The following LINGO2 variants were observed in gnomAD, a reference collection of about 807,000 sequenced individuals.
The protein encoded by LINGO2 is leucine-rich repeat and immunoglobulin-like domain-containing nogo receptor-interacting protein 2.
A neutral mutation model predicts 30.6 loss-of-function variants in LINGO2; 14 were observed. That is an observed-to-expected ratio of 0.46 (90% CI 0.30 to 0.72). The LOEUF (loss-of-function observed/expected upper bound fraction) is 0.72. LINGO2 is among the 30% of genes least tolerant of loss of function. The pLI is 0.07. For synonymous variants in LINGO2, 317 were observed against 288.5 expected, an observed-to-expected ratio of 1.10 and a Z score of -1.00; for missense variants, 729 against 751.7, an observed-to-expected ratio of 0.97 and a Z score of 0.35.
chr9:29,114,114 T>C, the LINGO2 span, among the ~76,000 whole-genome samples: 4 of 144,242 alleles, frequency 2.8e-5, no homozygotes, highest in Non-Finnish European at 6.1e-5. Flanking sequence ...TTTCTGACTT[T>C]TTTGGTTCCT....
chr9:28,338,274 T>C (rs1245778792), intron 3 of LINGO2, among the ~76,000 whole-genome samples: 2 of 152,224 alleles, frequency 1.3e-5, no homozygotes, highest in South Asian at 2.1e-4. Flanking sequence ...CCCCTTTGTT[T>C]TGGCCAATTT....
intron 1 of LINGO2, among the ~76,000 whole-genome samples, chr9:28,642,249 C>A (rs1014439425): frequency 3.3e-5 from 5 of 151,856 alleles, no homozygotes; most frequent in East Asian, 1.9e-4. Context: ...CCTTAAAAAA[C>A]CCCAAATTTC....
chr9:28,692,934 T>C, the LINGO2 span, among the ~76,000 whole-genome samples: 1 of 152,134 alleles, frequency 6.6e-6, no homozygotes, highest in Non-Finnish European at 1.5e-5. Flanking sequence ...AAAGACTACT[T>C]GCTTCAGAGA....
intron 4 of LINGO2, among the ~76,000 whole-genome samples, chr9:28,200,408 A>C (rs1258323462): frequency 6.6e-6 from 1 of 152,178 alleles, no homozygotes; most frequent in Non-Finnish European, 1.5e-5. Context: ...CACAGGCTTT[A>C]TCCAAGGTAG....
At chr9:28,049,046 A>G (rs1308918532) in intron 4 of LINGO2, among the ~76,000 whole-genome samples, 1 of 151,086 alleles carries the variant, frequency 6.6e-6, no homozygotes, top group Non-Finnish European at 1.5e-5. Flanking sequence ...TTTCCAGTAT[A>G]AATTAAAATT....
At chr9:28,544,619 G>A (rs1042083318) in intron 1 of LINGO2, among the ~76,000 whole-genome samples, 3 of 147,176 alleles carry the variant, frequency 2.0e-5, no homozygotes, top group African/African-American at 7.4e-5. Context: ...CTTTCTCTCT[G>A]TTAAAAAGTC....
chr9:28,880,482 C>G, the LINGO2 span, among the ~76,000 whole-genome samples: 2 of 139,796 alleles, frequency 1.4e-5, no homozygotes, highest in African/African-American at 5.4e-5. Context: ...TCGCCATTCT[C>G]TAGTCTCAAT....
chr9:28,106,102 A>T (rs1826583458), intron 4 of LINGO2, among the ~76,000 whole-genome samples: 2 of 152,056 alleles, frequency 1.3e-5, no homozygotes, highest in Admixed American at 1.3e-4. Flanking sequence ...CATGCTCCTT[A>T]TGAGAATCTA....
intron 3 of LINGO2, among the ~76,000 whole-genome samples, chr9:28,335,208 T>C (rs1825551408): frequency 6.6e-6 from 1 of 152,270 alleles, no homozygotes; most frequent in East Asian, 1.9e-4. Flanking sequence ...TCAATACATG[T>C]CAAATGACAG....
At chr9:28,624,952 G>A (rs1214786888) in intron 1 of LINGO2, among the ~76,000 whole-genome samples, 1 of 151,694 alleles carries the variant, frequency 6.6e-6, no homozygotes, top group Non-Finnish European at 1.5e-5. Context: ...TAAGGGAGAG[G>A]TTGGACAAGC....
At chr9:28,770,733 T>C in the LINGO2 span, among the ~76,000 whole-genome samples, 4 of 152,148 alleles carry the variant, frequency 2.6e-5, no homozygotes, top group African/African-American at 9.7e-5. Context: ...CAGGTTAATA[T>C]ATGGTATAGC....
intron 3 of LINGO2, among the ~76,000 whole-genome samples, chr9:28,350,646 G>A (rs569344802): frequency 5.0e-4 from 75 of 151,472 alleles, no homozygotes; most frequent in Middle Eastern, 3.4e-3. Context: ...TGCACCAAGC[G>A]GACCTAATAG....
the LINGO2 span, among the ~76,000 whole-genome samples, chr9:28,938,503 T>C: frequency 5.5e-3 from 838 of 152,326 alleles, 8 homozygotes; most frequent in African/African-American, 0.019. Context: ...GGGCCACATA[T>C]ATAATGGTTG....
intron 4 of LINGO2, among the ~76,000 whole-genome samples, chr9:28,232,676 G>A (rs1417087355): frequency 3.3e-5 from 5 of 151,902 alleles, no homozygotes; most frequent in Admixed American, 3.3e-4. Context: ...ATTATTAACT[G>A]CAGTCATTAT....
At chr9:29,067,654 T>C in the LINGO2 span, among the ~76,000 whole-genome samples, 1 of 148,442 alleles carries the variant, frequency 6.7e-6, no homozygotes, top group Admixed American at 6.8e-5. Flanking sequence ...AAGAAAACGA[T>C]AGGGAAAATG....
At chr9:28,995,493 C>T in the LINGO2 span, among the ~76,000 whole-genome samples, 2 of 152,096 alleles carry the variant, frequency 1.3e-5, no homozygotes, top group African/African-American at 4.8e-5. Flanking sequence ...CTAGAAATAC[C>T]ATTTGACCCA....
the LINGO2 span, among the ~76,000 whole-genome samples, chr9:28,892,968 T>C: frequency 3.9e-4 from 60 of 152,226 alleles, no homozygotes; most frequent in African/African-American, 1.2e-3. Context: ...CAAGTAGTGA[T>C]AGCAGATACT....
chr9:28,510,956 T>A (rs1820360028), intron 1 of LINGO2, among the ~76,000 whole-genome samples: 1 of 152,048 alleles, frequency 6.6e-6, no homozygotes, highest in African/African-American at 2.4e-5. Flanking sequence ...AGATATAGAC[T>A]GTGGGTGTAG....
At chr9:28,127,831 T>C (rs1264155197) in intron 4 of LINGO2, among the ~76,000 whole-genome samples, 3 of 152,200 alleles carry the variant, frequency 2.0e-5, no homozygotes, top group African/African-American at 7.2e-5. Flanking sequence ...GTGTAGAGTT[T>C]GATGTCAGAA....
Sources: gnomAD v4.1 joint callset for allele counts (sites outside exome capture counted in the v4.1 genomes callset) on GRCh38, gnomAD v4.1.1 for gene constraint, MANE v1.5 for transcripts, NCBI Gene and HGNC (gene_info 2026-07-23, HGNC 2026-07-21) for gene names.